GLIS3: variants seen among roughly 807,000 people sequenced by gnomAD.
GLIS3 encodes the protein GLIS family zinc finger 3, also known as zinc finger protein GLIS3.
A neutral mutation model predicts 78.6 loss-of-function variants in GLIS3; 53 were observed. The ratio of observed to expected loss-of-function variants is 0.67; its 90% confidence interval spans 0.54 to 0.85. The LOEUF is 0.85. Ranked by LOEUF, GLIS3 falls within the 40% of genes least tolerant of loss-of-function variation. The pLI, the probability that GLIS3 is intolerant of heterozygous loss-of-function variation, is 0.00. For missense variants in GLIS3, 1,703 were observed against 1,231.1 expected, an observed-to-expected ratio of 1.38 and a Z score of -5.74; for synonymous variants, 684 against 509.9, an observed-to-expected ratio of 1.34 and a Z score of -4.60.
At chr9:4,010,813 C>A (rs959230744) in intron 4 of GLIS3, among the ~76,000 whole-genome samples, 1 of 152,154 alleles carries the variant, frequency 6.6e-6, no homozygotes, top group Non-Finnish European at 1.5e-5. Context: ...AGAGTGGGTC[C>A]TGTGTTCTAC....
At chr9:4,217,465 G>A (rs1312998574) in intron 2 of GLIS3, among the ~76,000 whole-genome samples, 1 of 152,178 alleles carries the variant, frequency 6.6e-6, no homozygotes, top group East Asian at 1.9e-4. Context: ...TTCTAAGAGT[G>A]AAGTGCACTT....
At chr9:4,004,037 C>A (rs1178302157) in intron 4 of GLIS3, among the ~76,000 whole-genome samples, 1 of 152,266 alleles carries the variant, frequency 6.6e-6, no homozygotes, top group Admixed American at 6.5e-5. Flanking sequence ...ACTACTTACT[C>A]CATGTCAGGT....
chr9:4,466,685 G>C, the GLIS3 span, among the ~76,000 whole-genome samples: 1 of 151,574 alleles, frequency 6.6e-6, no homozygotes, highest in Non-Finnish European at 1.5e-5. Context: ...TGGCTGAATA[G>C]GAACAGCTCC....
intron 4 of GLIS3, among the ~76,000 whole-genome samples, chr9:3,938,153 T>C (rs954454423): frequency 2.6e-5 from 4 of 152,212 alleles, no homozygotes; most frequent in Non-Finnish European, 5.9e-5. Flanking sequence ...AACTCTCTCT[T>C]TGGTGCTAAC....
chr9:4,343,184 A>AT (rs397780679), intron 2 of GLIS3, among the ~76,000 whole-genome samples: 4 of 151,434 alleles, frequency 2.6e-5, no homozygotes, highest in African/African-American at 7.3e-5. Flanking sequence ...TCAAAAAAAA[A>AT]TTAAAAAATT....
the GLIS3 span, among the ~76,000 whole-genome samples, chr9:4,433,259 C>G: frequency 6.6e-6 from 1 of 152,202 alleles, no homozygotes; most frequent in African/African-American, 2.4e-5. Flanking sequence ...TGTTGAAACC[C>G]TGTCTCTACT....
At chr9:4,314,357 T>C (rs181823224) in intron 2 of GLIS3, among the ~76,000 whole-genome samples, 129 of 152,310 alleles carry the variant, frequency 8.5e-4, no homozygotes, top group Non-Finnish European at 1.2e-3. Flanking sequence ...TGCCACCCAA[T>C]GCTCTCTGTT....
chr9:4,016,457 A>G lies in GLIS3; in HGVS notation c.1711-79268T>C, dbSNP rs531489893. ...AAATAAGAAGAATTATACATTTCTA[A>G]ACAGAACAAAGGGACTTGATGAGCT... is the stretch of plus-strand genomic sequence containing the variant. On this transcript the variant is annotated intron_variant, in intron 4 of 10. Transcript: ENST00000381971. Among the ~76,000 whole-genome samples the G allele has an allele frequency of 2.6e-5, 4 of 152,320 alleles. No homozygotes were observed. In the South Asian group the frequency reaches 6.2e-4, roughly 24 times the overall value.
At chr9:4,351,668 A>G (rs918413922), upstream of GLIS3, among the ~76,000 whole-genome samples, 16 of 152,166 alleles carry the variant, frequency 1.1e-4, no homozygotes, top group African/African-American at 3.9e-4. Context: ...GAAAGATTTC[A>G]TTTTTTTAAA....
intron 3 of GLIS3, among the ~76,000 whole-genome samples, chr9:4,122,879 G>A (rs749639001): frequency 6.6e-6 from 1 of 152,098 alleles, no homozygotes; most frequent in Non-Finnish European, 1.5e-5. Context: ...TCGAGTTTTG[G>A]CAAGGCCTAA....
At chr9:4,440,517 C>G in the GLIS3 span, among the ~76,000 whole-genome samples, 1 of 152,132 alleles carries the variant, frequency 6.6e-6, no homozygotes, top group Non-Finnish European at 1.5e-5. Flanking sequence ...TTTCTGGGCT[C>G]TCTATTCTGT....
At chr9:4,488,983 C>G in the GLIS3 span, among the ~76,000 whole-genome samples, 1 of 152,192 alleles carries the variant, frequency 6.6e-6, no homozygotes, top group South Asian at 2.1e-4. Context: ...TCTCCTCCCT[C>G]AGCCTCCCAA....
rs774224557 is a variant in GLIS3 at position 3,829,525 on chromosome 9, C to A, written c.2474-33G>T. On this transcript the variant is annotated intron_variant, in intron 9 of 10. Coordinates refer to ENST00000381971, the MANE Select transcript of GLIS3 (RefSeq NM_001042413.2). ...GCAAGCATGGCATTGAGCACAAGTT[C>A]CTTTGGGCACAAGTTCCACAGATCA... The A allele has an allele frequency of 8.1e-6, 13 of 1,611,200 alleles. No homozygotes were observed. In the African/African-American group the frequency reaches 1.5e-4, roughly 18 times the overall value.
chr9:4,394,213 T>A, the GLIS3 span, among the ~76,000 whole-genome samples: 10,435 of 152,008 alleles, frequency 0.069, 498 homozygotes, highest in South Asian at 0.12. Context: ...GCTTGAGGAT[T>A]TTTAGATTTT....
chr9:4,143,260 G>C (rs1340931677), intron 2 of GLIS3, among the ~76,000 whole-genome samples: 6 of 151,718 alleles, frequency 4.0e-5, no homozygotes, highest in Non-Finnish European at 8.8e-5. Context: ...TGTGTGTGTA[G>C]TGAGAAGTTA....
At chr9:3,917,218 G>T (rs1053590155) in intron 6 of GLIS3, among the ~76,000 whole-genome samples, 11 of 152,168 alleles carry the variant, frequency 7.2e-5, no homozygotes, top group African/African-American at 2.7e-4. Flanking sequence ...AAATATCATT[G>T]CTTTGTACCC....
chr9:3,855,706 C>T, intron 9 of GLIS3: 1 of 388,700 alleles, frequency 2.6e-6, no homozygotes, highest in South Asian at 2.2e-5. Context: ...TTTCTTTCTC[C>T]ATGGGCTGTC....
chr9:4,145,754 C>T (rs954624547), intron 2 of GLIS3, among the ~76,000 whole-genome samples: 3 of 151,936 alleles, frequency 2.0e-5, no homozygotes, highest in African/African-American at 7.3e-5. Context: ...TTCCCCCTCC[C>T]TCCCTCACTT....
chr9:3,953,468 A>G (rs1563885933), intron 4 of GLIS3, among the ~76,000 whole-genome samples: 1 of 152,158 alleles, frequency 6.6e-6, no homozygotes, highest in African/African-American at 2.4e-5. Context: ...TGATCTTTAC[A>G]CTGACTTCCA....
Sources: gnomAD v4.1 joint callset for allele counts (sites outside exome capture counted in the v4.1 genomes callset) on GRCh38, gnomAD v4.1.1 for gene constraint, MANE v1.5 for transcripts, NCBI Gene and HGNC (gene_info 2026-07-23, HGNC 2026-07-21) for gene names.